FABP6: variants seen among roughly 807,000 people sequenced by gnomAD.
The protein encoded by FABP6 is fatty acid binding protein 6, also known as gastrotropin.
In FABP6, 13 loss-of-function variants were observed where a neutral mutation model predicts 14.9. The ratio of observed to expected loss-of-function variants is 0.87; its 90% CI spans 0.57 to 1.39. The LOEUF (loss-of-function observed/expected upper bound fraction) is 1.39. Among genes scored for constraint, FABP6 ranks in the 40% most tolerant of loss-of-function variants. The pLI is 0.00. For synonymous variants in FABP6, 75 were observed against 63.6 expected, an observed-to-expected ratio of 1.18 and a Z score of -0.85; for missense variants, 161 against 167.2, an observed-to-expected ratio of 0.96 and a Z score of 0.20.
At position 160,198,849 on chromosome 5, in the gene FABP6, G is replaced by T. The variant is rs1195634819; in HGVS notation, c.-58-200G>T. The T allele has an allele frequency of 1.1e-5, 6 of 524,942 alleles. No individual in the cohort carries two copies. In the East Asian group the frequency reaches 1.9e-4, roughly 17 times the overall value. 32.5% of individuals were successfully genotyped at this position (524,942 alleles called of 1,614,324 possible). Reference sequence around the variant, plus strand: ...TCTTCAAATACTGGCCCATCATCCTGTTGTTCTTTACAGCACTTTTGACTT... The same window carrying T: ...TCTTCAAATACTGGCCCATCATCCTTTTGTTCTTTACAGCACTTTTGACTT... On this transcript the variant is annotated intron_variant, in intron 1 of 6. Coordinates refer to the FABP6 transcript ENST00000393980.
intron 2 of FABP6, chr5:160,213,654 C>T: frequency 3.4e-6 from 4 of 1,168,410 alleles, no homozygotes; most frequent in Non-Finnish European, 3.9e-6. Context: ...AGGAGCTCTG[C>T]CTCCCTGCAC....
intron 1 of FABP6, chr5:160,197,958 G>GTGTGTGTGTGTGTGTA (rs1561741053): frequency 1.4e-5 from 2 of 140,804 alleles, no homozygotes; most frequent in African/African-American, 5.2e-5. Flanking sequence ...GTGTGTATGT[G>GTGTGTGTGTGTGTGTA]TGTGTGTGTG....
At chr5:160,195,348 A>G (rs927653703) in intron 1 of FABP6, among the ~76,000 whole-genome samples, 4 of 151,720 alleles carry the variant, frequency 2.6e-5, no homozygotes, top group Admixed American at 6.6e-5. Context: ...GGGGTTGAGA[A>G]CAAGAGCCCT....
At chr5:160,219,161 C>G (rs962381071) in intron 3 of FABP6, among the ~76,000 whole-genome samples, 4 of 152,160 alleles carry the variant, frequency 2.6e-5, no homozygotes, top group Admixed American at 6.6e-5. Flanking sequence ...TGATAGTTCA[C>G]TTACTCTATG....
rs1489359393 is a variant in FABP6 at position 160,229,942 on chromosome 5, C to T, written c.67+318C>T. 3.3e-5 allele frequency among the ~76,000 whole-genome samples: 5 copies of T among 151,352 alleles called. No individual in the cohort carries two copies. The South Asian group carries it at 6.3e-4, about 19-fold the overall frequency. On this transcript the variant is annotated intron_variant, in intron 1 of 3. Transcript: ENST00000402432. ...AGGCTGGAGTGCAGTGGCACCATCT[C>T]GGCTCACTGCAACCTTCGGCTCCCA...
At chr5:160,203,647 A>G in intron 2 of FABP6, among the ~76,000 whole-genome samples, 1 of 151,780 alleles carries the variant, frequency 6.6e-6, no homozygotes, top group East Asian at 1.9e-4. Flanking sequence ...ATGAGTGCAA[A>G]CCACTGCATC....
At chr5:160,196,188 C>A (rs1218198939) in intron 1 of FABP6, among the ~76,000 whole-genome samples, 1 of 152,248 alleles carries the variant, frequency 6.6e-6, no homozygotes, top group African/African-American at 2.4e-5. Context: ...TGGGGAGCCA[C>A]CATGGCACTC....
At chr5:160,199,571 C>T (rs1024660347) in intron 2 of FABP6, among the ~76,000 whole-genome samples, 2 of 152,132 alleles carry the variant, frequency 1.3e-5, no homozygotes, top group African/African-American at 4.8e-5. Context: ...GGCCGGCGGG[C>T]GGGGCTCGGC....
intron 1 of FABP6, among the ~76,000 whole-genome samples, chr5:160,192,219 G>A (rs1759408311): frequency 1.3e-5 from 2 of 151,764 alleles, no homozygotes; most frequent in South Asian, 2.1e-4. Flanking sequence ...TAGAGATGGG[G>A]TCTTGCTATG....
At chr5:160,202,019 C>A (rs2113079012) in intron 2 of FABP6, among the ~76,000 whole-genome samples, 1 of 152,270 alleles carries the variant, frequency 6.6e-6, no homozygotes, top group East Asian at 1.9e-4. Flanking sequence ...TCGCCTTCAC[C>A]TCCCAAAGTG....
intron 3 of FABP6, among the ~76,000 whole-genome samples, chr5:160,220,385 G>C (rs1055407808): frequency 6.6e-6 from 1 of 152,154 alleles, no homozygotes; most frequent in African/African-American, 2.4e-5. Flanking sequence ...CAAGGCAGAA[G>C]GATCGCTTGA....
Position 160,195,134 on chromosome 5 carries a change from CATT to C in FABP6, c.-58-3913_-58-3911del, listed in dbSNP as rs1759483552. On this transcript the variant is annotated intron_variant, in intron 1 of 6. Coordinates refer to the FABP6 transcript ENST00000393980. ...ACCCCGACTCTACTAAAAATACAAA[CATT>C]AGCCGGGCATGGTGGCGGGTGCCTA... 3.3e-5 allele frequency among the ~76,000 whole-genome samples: 5 copies of C among 151,746 alleles called. No homozygotes were observed. In the South Asian group the frequency reaches 1.0e-3, roughly 32 times the overall value.
chr5:160,191,638 G>T (rs1265213516), intron 1 of FABP6, among the ~76,000 whole-genome samples: 2 of 151,654 alleles, frequency 1.3e-5, no homozygotes, highest in African/African-American at 4.8e-5. Context: ...TTGAGATGGG[G>T]TCTCACTATA....
chr5:160,235,152 G>C (rs970024931), intron 3 of FABP6, among the ~76,000 whole-genome samples: 21 of 152,318 alleles, frequency 1.4e-4, no homozygotes, highest in African/African-American at 5.0e-4. Flanking sequence ...ACACAGATTT[G>C]ACGACAGAGC....
exon 2 of FABP6, chr5:160,199,118 G>A (rs1782734164): frequency 6.2e-7 from 1 of 1,614,176 alleles, no homozygotes; most frequent in Non-Finnish European, 8.5e-7. Context: ...TGAAGACAGT[G>A]ACGATGATGA....
intron 2 of FABP6, among the ~76,000 whole-genome samples, chr5:160,232,988 GT>G (rs56809300): frequency 0.9 from 129,933 of 143,766 alleles, 58,765 homozygotes; most frequent in East Asian, 0.99. Flanking sequence ...GAGCATAAGT[GT>G]TTTTTTTTTT....
chr5:160,192,899 G>A (rs184515584), intron 1 of FABP6, among the ~76,000 whole-genome samples: 3 of 152,238 alleles, frequency 2.0e-5, no homozygotes, highest in African/African-American at 7.2e-5. Flanking sequence ...ATTGCTTGAA[G>A]TCAGGAGTTT....
intron 3 of FABP6, among the ~76,000 whole-genome samples, chr5:160,236,574 C>T (rs1433519121): frequency 6.6e-6 from 1 of 152,194 alleles, no homozygotes; most frequent in Non-Finnish European, 1.5e-5. Flanking sequence ...ACAACTAGTA[C>T]ATGCAGAGGC....
intron 1 of FABP6, among the ~76,000 whole-genome samples, chr5:160,230,135 G>A (rs532152340): frequency 6.6e-6 from 1 of 151,354 alleles, no homozygotes; most frequent in Admixed American, 6.6e-5. Flanking sequence ...CACCCAGCTC[G>A]ACCTCCCAAA....
Sources: gnomAD v4.1 joint callset for allele counts (sites outside exome capture counted in the v4.1 genomes callset) on GRCh38, gnomAD v4.1.1 for gene constraint, MANE v1.5 for transcripts, NCBI Gene and HGNC (gene_info 2026-07-23, HGNC 2026-07-21) for gene names.